The following SNX7 variants were observed in gnomAD, a reference collection of about 807,000 sequenced individuals.
The protein encoded by SNX7 is sorting nexin 7.
A neutral mutation model predicts 48.4 loss-of-function variants in SNX7; 35 were observed. That is an observed-to-expected ratio of 0.72 (90% CI 0.55 to 0.96). The LOEUF (loss-of-function observed/expected upper bound fraction) is 0.96. SNX7 is among the 40% of genes least tolerant of loss of function. SNX7 has a pLI of 0.00. For missense variants in SNX7, 553 were observed against 548.9 expected, an observed-to-expected ratio of 1.01 and a Z score of -0.07; for synonymous variants, 190 against 190.2, an observed-to-expected ratio of 1.00 and a Z score of 0.01.
At chr1:98,683,765 G>T (rs927213254) in intron 1 of SNX7, among the ~76,000 whole-genome samples, 1 of 152,060 alleles carries the variant, frequency 6.6e-6, no homozygotes, top group Non-Finnish European at 1.5e-5. Flanking sequence ...TGATGGGGTG[G>T]GGGTTGCACC....
chr1:98,732,817 A>T (rs1653583058), intron 7 of SNX7, among the ~76,000 whole-genome samples: 1 of 152,170 alleles, frequency 6.6e-6, no homozygotes, highest in South Asian at 2.1e-4. Context: ...ACAGATTCCA[A>T]ATCAGTTTAA....
intron 1 of SNX7, among the ~76,000 whole-genome samples, chr1:98,673,522 TC>T (rs1392073860): frequency 6.6e-6 from 1 of 152,214 alleles, no homozygotes; most frequent in Non-Finnish European, 1.5e-5. Flanking sequence ...ATATGTACCC[TC>T]CCCTTCCCTC....
At chr1:98,708,239 T>C (rs569376624) in intron 7 of SNX7, among the ~76,000 whole-genome samples, 2 of 152,010 alleles carry the variant, frequency 1.3e-5, no homozygotes, top group Admixed American at 6.6e-5. Flanking sequence ...TGTATACATA[T>C]ACACACACAC....
intron 7 of SNX7, among the ~76,000 whole-genome samples, chr1:98,722,863 T>C (rs1244478323): frequency 2.6e-5 from 4 of 152,180 alleles, no homozygotes. Flanking sequence ...TGGTGATATA[T>C]CTTTACGTAG....
rs1000807643 is a variant in SNX7, at chr1:98,677,995, G to A, written c.181-6890G>A. 1.5e-3 allele frequency among the ~76,000 whole-genome samples: 185 copies of A among 124,318 alleles called. 3 individuals are homozygous for A. Among genetic ancestry groups the A allele is most frequent in the East Asian group, 8.3e-3 (35 of 4,220 alleles). The allele number at this position is 124,318 out of a possible 152,430, so 81.6% of individuals were successfully genotyped here. ...TATGAGTCTGTGTGTGTGTGCGTGT[G>A]TGTGTGTGTGTGTGTGTGTGTGTGT... On this transcript the variant is annotated intron_variant, in intron 1 of 8. Transcript: ENST00000306121.
At chr1:98,723,396 A>T (rs914381719) in intron 7 of SNX7, among the ~76,000 whole-genome samples, 8 of 152,100 alleles carry the variant, frequency 5.3e-5, no homozygotes, top group Non-Finnish European at 1.2e-4. Flanking sequence ...TAAATTTATT[A>T]CTAAGTACCT....
rs35391040 is a variant in SNX7 at position 98,695,628 on chromosome 1, C to A, written c.750C>A (p.Phe250Leu). 6.0e-3 allele frequency: 9,732 copies of A among 1,613,282 alleles called. 58 individuals carry two copies. Among genetic ancestry groups the A allele is most frequent in the Non-Finnish European group, 6.7e-3 (7,916 of 1,179,376 alleles). ...MRGVKNRPEE[F>L]MEMNNFIELF... ...GAGTTAAAAACCGCCCAGAGGAGTT[C>A]ATGGAAATGAATAACTTTATTGAAC... is the stretch of plus-strand genomic sequence containing the variant. Residue 250 changes from phenylalanine to leucine, a missense_variant, in exon 5 of 9, where the codon TTC becomes TTA. Transcript: ENST00000306121.
intron 8 of SNX7, among the ~76,000 whole-genome samples, chr1:98,756,682 G>T (rs1654874593): frequency 6.6e-6 from 1 of 151,704 alleles, no homozygotes; most frequent in Admixed American, 6.6e-5. Context: ...AGCTTTCCAT[G>T]CACCACTCTC....
chr1:98,751,668 T>C (rs985707467), intron 8 of SNX7, among the ~76,000 whole-genome samples: 2 of 152,116 alleles, frequency 1.3e-5, no homozygotes, highest in East Asian at 3.9e-4. Context: ...AGCATATTTA[T>C]CAACTTAATT....
intron 7 of SNX7, among the ~76,000 whole-genome samples, chr1:98,732,496 A>C (rs1242298175): frequency 1.3e-5 from 2 of 152,170 alleles, no homozygotes; most frequent in Non-Finnish European, 2.9e-5. Context: ...TAAGGTGAAC[A>C]TAGAGTAGCG....
chr1:98,728,237 T>C (rs1214311446), intron 7 of SNX7, among the ~76,000 whole-genome samples: 22 of 152,184 alleles, frequency 1.4e-4, no homozygotes, highest in Admixed American at 1.4e-3. Flanking sequence ...ATATTCAACA[T>C]TCTTAAAGAA....
At chr1:98,748,213 T>C (rs939183476) in intron 8 of SNX7, among the ~76,000 whole-genome samples, 5 of 152,182 alleles carry the variant, frequency 3.3e-5, no homozygotes, top group African/African-American at 1.2e-4. Context: ...CTCAAACTCC[T>C]GACCTCAAGT....
At position 98,718,462 on chromosome 1, in the gene SNX7, A is replaced by G. The variant is rs145597218; in HGVS notation, c.1125+16559A>G. Reference sequence around the variant, plus strand: ...CTACAAATATTACTTCCCAACAACCACTACTCATTTATATAACATTAGGTA... The same window carrying G: ...CTACAAATATTACTTCCCAACAACCGCTACTCATTTATATAACATTAGGTA... On this transcript the variant is annotated intron_variant, in intron 7 of 8. Coordinates refer to ENST00000306121, the MANE Select transcript of SNX7 (RefSeq NM_015976.5). Among the ~76,000 whole-genome samples the G allele has an allele frequency of 2.0e-4, 30 of 152,116 alleles. No individual in the cohort carries two copies. The East Asian group carries it at 5.6e-3, about 28-fold the overall frequency.
At chr1:98,723,143 G>A (rs1652972594) in intron 7 of SNX7, among the ~76,000 whole-genome samples, 1 of 152,136 alleles carries the variant, frequency 6.6e-6, no homozygotes, top group African/African-American at 2.4e-5. Context: ...TGAATGGACT[G>A]AGATAGGAAA....
intron 7 of SNX7, among the ~76,000 whole-genome samples, chr1:98,715,429 C>T (rs930386403): frequency 6.6e-6 from 1 of 152,120 alleles, no homozygotes; most frequent in East Asian, 1.9e-4. Context: ...AGGCAATGTC[C>T]GTCCAGCTTC....
chr1:98,692,950 G>GT (rs1651228313), intron 4 of SNX7, among the ~76,000 whole-genome samples: 2 of 152,084 alleles, frequency 1.3e-5, no homozygotes, highest in Admixed American at 6.5e-5. Context: ...CTTTCTCTCA[G>GT]TTTTTTCTAC....
chr1:98,700,886 C>A (rs113873173), intron 6 of SNX7, among the ~76,000 whole-genome samples: 2 of 152,250 alleles, frequency 1.3e-5, no homozygotes, highest in Non-Finnish European at 2.9e-5. Flanking sequence ...CCAGAAGGCC[C>A]TTCTCTTTTA....
At chr1:98,663,806 G>A (rs1054570860) in intron 1 of SNX7, among the ~76,000 whole-genome samples, 9 of 152,176 alleles carry the variant, frequency 5.9e-5, no homozygotes, top group Admixed American at 5.2e-4. Context: ...GGTCCACCCT[G>A]CTTGTTAGTG....
intron 1 of SNX7, among the ~76,000 whole-genome samples, chr1:98,680,096 C>T (rs2100930504): frequency 6.6e-6 from 1 of 152,344 alleles, no homozygotes; most frequent in South Asian, 2.1e-4. Flanking sequence ...TCCATACATC[C>T]TCTGAAATCT....
Sources: allele counts gnomAD v4.1 joint callset (sites outside exome capture counted in the v4.1 genomes callset), GRCh38; gene constraint gnomAD v4.1.1; transcripts MANE v1.5; gene names NCBI Gene and HGNC (gene_info 2026-07-23, HGNC 2026-07-21).